Variants in SCHIP1 observed in about 807,000 individuals in gnomAD.
SCHIP1 encodes the protein schwannomin interacting protein 1.
SCHIP1 carries 8 observed loss-of-function variants against 29.7 expected under a neutral mutation model. That is an observed-to-expected ratio of 0.27 (90% confidence interval 0.16 to 0.49). SCHIP1 has a LOEUF of 0.49. Ranked by LOEUF, SCHIP1 falls within the 20% of genes least tolerant of loss-of-function variation. SCHIP1 has a pLI of 0.99. For synonymous variants in SCHIP1, 76 were observed against 94.9 expected (o/e 0.80, Z 1.16); for missense variants, 193 against 294.6 (o/e 0.66, Z 2.52).
At chr3:159,668,325 C>T in the SCHIP1 span, among the ~76,000 whole-genome samples, 2 of 145,230 alleles carry the variant, frequency 1.4e-5, no homozygotes, top group African/African-American at 2.6e-5. Context: ...TGCAGTGAGC[C>T]GAGAGCACGC....
At chr3:159,281,926 T>C in the SCHIP1 span, among the ~76,000 whole-genome samples, 2 of 152,138 alleles carry the variant, frequency 1.3e-5, no homozygotes, top group Non-Finnish European at 2.9e-5. Flanking sequence ...TAGGTATTAG[T>C]ATGAATATAT....
the SCHIP1 span, among the ~76,000 whole-genome samples, chr3:159,496,734 A>G: frequency 8.5e-5 from 13 of 152,184 alleles, no homozygotes; most frequent in African/African-American, 3.1e-4. Context: ...ATACCATTTG[A>G]CCCAGCCATC....
chr3:159,613,581 C>T, the SCHIP1 span, among the ~76,000 whole-genome samples: 1 of 152,166 alleles, frequency 6.6e-6, no homozygotes, highest in Non-Finnish European at 1.5e-5. Flanking sequence ...TTATGACCTA[C>T]GGGTTGAACT....
chr3:159,544,484 T>C, the SCHIP1 span, among the ~76,000 whole-genome samples: 1 of 151,834 alleles, frequency 6.6e-6, no homozygotes, highest in Non-Finnish European at 1.5e-5. Flanking sequence ...TCTATCAGCA[T>C]ACTATCAGCA....
chr3:159,692,662 A>C, the SCHIP1 span, among the ~76,000 whole-genome samples: 1 of 151,928 alleles, frequency 6.6e-6, no homozygotes, highest in Non-Finnish European at 1.5e-5. Context: ...CTTGCATTGG[A>C]AAACCCTCTT....
At chr3:159,631,845 T>C in the SCHIP1 span, among the ~76,000 whole-genome samples, 1 of 152,196 alleles carries the variant, frequency 6.6e-6, no homozygotes, top group Admixed American at 6.6e-5. Context: ...AAAAAAATTT[T>C]TTTAATAAGC....
At chr3:159,701,431 A>G in the SCHIP1 span, among the ~76,000 whole-genome samples, 75 of 152,264 alleles carry the variant, frequency 4.9e-4, no homozygotes, top group African/African-American at 1.6e-3. Flanking sequence ...GTGATTTTAA[A>G]TTTTCAAAGA....
chr3:159,811,907 A>G, the SCHIP1 span, among the ~76,000 whole-genome samples: 1 of 150,780 alleles, frequency 6.6e-6, no homozygotes, highest in South Asian at 2.1e-4. Context: ...GAGTCTTCCA[A>G]TTCCTTTATT....
the SCHIP1 span, among the ~76,000 whole-genome samples, chr3:159,618,323 T>C: frequency 6.6e-6 from 1 of 152,198 alleles, no homozygotes; most frequent in South Asian, 2.1e-4. Context: ...CAGAAAGGCC[T>C]TAAAGAAGCT....
chr3:159,505,242 C>T, the SCHIP1 span, among the ~76,000 whole-genome samples: 3 of 152,222 alleles, frequency 2.0e-5, no homozygotes, highest in Non-Finnish European at 2.9e-5. Flanking sequence ...AGTCAATGTA[C>T]GTCAGCCTGC....
chr3:159,553,409 G>T, the SCHIP1 span, among the ~76,000 whole-genome samples: 1 of 150,260 alleles, frequency 6.7e-6, no homozygotes, highest in African/African-American at 2.4e-5. Context: ...GTTTCTTCTT[G>T]CCAAGAACAG....
chr3:159,873,016 G>A (rs1365195374), intron 2 of SCHIP1, among the ~76,000 whole-genome samples: 2 of 152,128 alleles, frequency 1.3e-5, no homozygotes, highest in Non-Finnish European at 2.9e-5. Flanking sequence ...AAACCATTAG[G>A]TAACTTACAG....
At chr3:159,665,163 G>A in the SCHIP1 span, among the ~76,000 whole-genome samples, 1 of 152,154 alleles carries the variant, frequency 6.6e-6, no homozygotes, top group Non-Finnish European at 1.5e-5. Flanking sequence ...TTTCAATTTA[G>A]GACCAGGTTT....
the SCHIP1 span, among the ~76,000 whole-genome samples, chr3:159,645,214 A>G: frequency 1.3e-5 from 2 of 152,278 alleles, no homozygotes; most frequent in East Asian, 3.9e-4. Flanking sequence ...CGGCTCTGGC[A>G]CAAACCTGAG....
chr3:159,636,998 G>A, the SCHIP1 span, among the ~76,000 whole-genome samples: 8 of 152,244 alleles, frequency 5.3e-5, no homozygotes, highest in South Asian at 1.7e-3. Context: ...GAAACTGAGG[G>A]GAGTTAACTT....
the SCHIP1 span, among the ~76,000 whole-genome samples, chr3:159,703,868 G>T: frequency 6.6e-6 from 1 of 152,136 alleles, no homozygotes; most frequent in Non-Finnish European, 1.5e-5. Flanking sequence ...AAGTTCTGAA[G>T]CCTCTATCTC....
chr3:159,758,302 G>A, the SCHIP1 span, among the ~76,000 whole-genome samples: 16 of 152,138 alleles, frequency 1.1e-4, no homozygotes, highest in East Asian at 1.6e-3. Context: ...ATAGGTGCCC[G>A]CCACCATGCC....
the SCHIP1 span, among the ~76,000 whole-genome samples, chr3:159,632,467 G>A: frequency 2.0e-5 from 3 of 152,290 alleles, no homozygotes; most frequent in Admixed American, 2.0e-4. Context: ...GCCTTTGGCT[G>A]TGTAGGACCA....
the SCHIP1 span, among the ~76,000 whole-genome samples, chr3:159,479,767 A>C: frequency 2.6e-5 from 4 of 152,166 alleles, no homozygotes; most frequent in African/African-American, 9.7e-5. Context: ...AAATGATTAC[A>C]AGCATTCAAG....
Sources: gnomAD v4.1 joint callset for allele counts (sites outside exome capture counted in the v4.1 genomes callset) on GRCh38, gnomAD v4.1.1 for gene constraint, MANE v1.5 for transcripts, NCBI Gene and HGNC (gene_info 2026-07-23, HGNC 2026-07-21) for gene names.